The following TFB1M variants were observed in gnomAD, a reference collection of about 807,000 sequenced individuals.
TFB1M encodes the protein dimethyladenosine transferase 1, mitochondrial.
TFB1M carries 27 observed loss-of-function variants against 31.1 expected under a neutral mutation model. That is an observed-to-expected ratio of 0.87 (90% CI 0.64 to 1.20). TFB1M has a LOEUF of 1.20. TFB1M is among the 50% of genes most tolerant of loss of function. The pLI is 0.00. For synonymous variants in TFB1M, 166 were observed against 151.8 expected, an observed-to-expected ratio of 1.09 and a Z score of -0.69; for missense variants, 394 against 418.7, an observed-to-expected ratio of 0.94 and a Z score of 0.51.
intron 4 of TFB1M, among the ~76,000 whole-genome samples, chr6:155,287,005 A>G (rs145390230): frequency 1.3e-5 from 2 of 152,308 alleles, no homozygotes; most frequent in African/African-American, 2.4e-5. Context: ...GGCAACTCAC[A>G]TAAGAGAAAT....
chr6:155,234,003 T>TG, the TFB1M span, among the ~76,000 whole-genome samples: 434 of 147,322 alleles, frequency 2.9e-3, 1 homozygote, highest in African/African-American at 8.8e-3. Flanking sequence ...AAATTTTTTT[T>TG]GGGGGGGGGT....
At chr6:155,306,858 T>C (rs562306799) in intron 2 of TFB1M, among the ~76,000 whole-genome samples, 8 of 152,236 alleles carry the variant, frequency 5.3e-5, no homozygotes, top group African/African-American at 1.9e-4. Flanking sequence ...CGGTGGCTCT[T>C]GCCTGTAATC....
At chr6:155,258,683 T>C (rs1333870662) in intron 6 of TFB1M, among the ~76,000 whole-genome samples, 1 of 152,256 alleles carries the variant, frequency 6.6e-6, no homozygotes, top group Non-Finnish European at 1.5e-5. Context: ...GCAGAACTGC[T>C]TGAAATGCTG....
intron 4 of TFB1M, among the ~76,000 whole-genome samples, chr6:155,293,019 A>C (rs551898917): frequency 4.6e-4 from 70 of 152,168 alleles, no homozygotes; most frequent in Non-Finnish European, 7.8e-4. Flanking sequence ...TTTTGTAGAG[A>C]CAAGGTAACA....
At chr6:155,261,057 A>C (rs1422072942) in intron 5 of TFB1M, 1 of 155,400 alleles carries the variant, frequency 6.4e-6, no homozygotes, top group Non-Finnish European at 1.4e-5. Context: ...AATTGTCAGA[A>C]GATAAAACTT....
chr6:155,290,114 T>G (rs568771543), intron 4 of TFB1M, among the ~76,000 whole-genome samples: 194 of 152,166 alleles, frequency 1.3e-3, no homozygotes, highest in African/African-American at 4.5e-3. Context: ...GGGCTGGGCG[T>G]GGTGGCTCAC....
At chr6:155,273,277 G>A (rs961915418) in intron 5 of TFB1M, among the ~76,000 whole-genome samples, 9 of 152,152 alleles carry the variant, frequency 5.9e-5, no homozygotes, top group Admixed American at 1.3e-4. Flanking sequence ...CTACAGATAA[G>A]TCTGACTCTT....
the TFB1M span, among the ~76,000 whole-genome samples, chr6:155,247,748 G>A: frequency 5.4e-4 from 83 of 152,312 alleles, no homozygotes; most frequent in South Asian, 1.0e-3. Flanking sequence ...TTTTGAGTCA[G>A]TGTTAGTCTT....
chr6:155,249,735 C>A, the TFB1M span: 1 of 745,114 alleles, frequency 1.3e-6, no homozygotes, highest in Non-Finnish European at 2.1e-6. Context: ...AATGCTCCTG[C>A]TAGTGGGTAC....
At chr6:155,304,005 A>T (rs952578278) in intron 2 of TFB1M, among the ~76,000 whole-genome samples, 13 of 152,204 alleles carry the variant, frequency 8.5e-5, no homozygotes, top group African/African-American at 3.1e-4. Flanking sequence ...GTATGGAAAT[A>T]ACCAGTGTTT....
At position 155,311,182 on chromosome 6, in the gene TFB1M, T is replaced by C; in HGVS notation, c.285+6A>G. The C allele has an allele frequency of 1.9e-6, 3 of 1,614,014 alleles. No homozygotes were observed. Among genetic ancestry groups the C allele is most frequent in the African/African-American group, 1.3e-5 (1 of 75,048 alleles). On this transcript the variant is annotated splice_donor_region_variant and intron_variant, in intron 2 of 6. Coordinates refer to ENST00000367166, the MANE Select transcript of TFB1M (RefSeq NM_016020.4). Reference sequence around the variant, plus strand: ...CCTCCTAAAGCAGACACTTTAAGCATCTCACCTGTAATCCAGGAATAAATC... The same window carrying C: ...CCTCCTAAAGCAGACACTTTAAGCACCTCACCTGTAATCCAGGAATAAATC...
rs115879374 is a variant in TFB1M at position 155,307,273 on chromosome 6, G to A, written c.285+3915C>T. ...GCTGTAAAACAAAGTGTATTAGCTC[G>A]TTTTCATGCTGCTGCTCATAAAGAC... On this transcript the variant is annotated intron_variant, in intron 2 of 6. Coordinates refer to ENST00000367166, the MANE Select transcript of TFB1M (RefSeq NM_016020.4). Among the ~76,000 whole-genome samples the A allele has an allele frequency of 2.5e-3, 388 of 152,186 alleles. 2 individuals are homozygous for A. The highest frequency in any genetic ancestry group is 8.4e-3 in the African/African-American group (350 of 41,506).
At chr6:155,259,487 A>C (rs1046982759) in intron 6 of TFB1M, among the ~76,000 whole-genome samples, 2 of 152,242 alleles carry the variant, frequency 1.3e-5, no homozygotes, top group South Asian at 4.1e-4. Context: ...ATCTGCTGTC[A>C]TTTCATATGC....
chr6:155,257,618 C>CT lies in TFB1M; in HGVS notation c.*217_*218insA. The CT allele has an allele frequency of 3.6e-6, 2 of 549,656 alleles. No homozygotes were observed. Among genetic ancestry groups the CT allele is most frequent in the Admixed American group, 3.4e-5 (1 of 29,448 alleles). The allele number at this position is 549,656 out of a possible 1,614,324, so 34.0% of individuals were successfully genotyped here. On this transcript the variant is annotated 3_prime_UTR_variant, in exon 7 of 7. Transcript: ENST00000367166. Reference sequence around the variant, plus strand: ...TAGATGCTGTTTATACTAAACATGTCATAACTATCTATACAGTATATATTA... The same window carrying CT: ...TAGATGCTGTTTATACTAAACATGTCTATAACTATCTATACAGTATATATTA...
the TFB1M span, among the ~76,000 whole-genome samples, chr6:155,242,989 C>T: frequency 2.0e-5 from 3 of 151,890 alleles, no homozygotes; most frequent in Non-Finnish European, 2.9e-5. Context: ...GTGATCCACC[C>T]GCCTCTGCCT....
At chr6:155,250,641 G>A in the TFB1M span, 3 of 1,535,136 alleles carry the variant, frequency 2.0e-6, no homozygotes, top group Admixed American at 2.0e-5. Flanking sequence ...TTCATCTTAT[G>A]GAAACTGAGT....
chr6:155,290,076 T>C (rs186828222), intron 4 of TFB1M, among the ~76,000 whole-genome samples: 6 of 152,322 alleles, frequency 3.9e-5, no homozygotes, highest in East Asian at 3.9e-4. Flanking sequence ...TATCTCTTTA[T>C]AGCAGTGCAT....
chr6:155,276,067 T>C (rs141640357), intron 5 of TFB1M: 35 of 1,614,072 alleles, frequency 2.2e-5, no homozygotes, highest in African/African-American at 2.7e-5. Flanking sequence ...CCAAGAGCCA[T>C]GCTTCCTTTG....
At chr6:155,258,219 C>G (rs1784207184) in intron 6 of TFB1M, 137 bp from the exon 7 acceptor site, 2 of 1,094,334 alleles carry the variant, frequency 1.8e-6, no homozygotes, top group Admixed American at 2.0e-5. Context: ...GCAGGAGCCT[C>G]TTGGATTATA....
Sources: gnomAD v4.1 joint callset for allele counts (sites outside exome capture counted in the v4.1 genomes callset) on GRCh38, gnomAD v4.1.1 for gene constraint, MANE v1.5 for transcripts, NCBI Gene and HGNC (gene_info 2026-07-23, HGNC 2026-07-21) for gene names.